Variants in WDR33 observed in about 807,000 individuals in gnomAD.
WDR33 encodes the protein pre-mRNA 3' end processing protein WDR33.
In WDR33, 47 loss-of-function variants were observed where a neutral mutation model predicts 164.9. The observed-to-expected ratio is 0.29, with a 90% CI of 0.23 to 0.36. WDR33 has a LOEUF of 0.36. Among genes scored for constraint, WDR33 ranks in the 10% least tolerant of loss-of-function variants. The pLI is 1.00. For missense variants in WDR33, 1,137 were observed against 1,754.1 expected (o/e 0.65, Z 6.28); for synonymous variants, 505 against 589.0 (o/e 0.86, Z 2.06).
intron 1 of WDR33, among the ~76,000 whole-genome samples, chr2:127,802,783 A>C (rs1279812706): frequency 6.6e-6 from 1 of 152,126 alleles, no homozygotes; most frequent in Admixed American, 6.6e-5. Context: ...GTTCGAGCCC[A>C]GACTGGGCAA....
At chr2:127,746,946 T>G (rs1179312672) in intron 7 of WDR33, among the ~76,000 whole-genome samples, 1 of 152,208 alleles carries the variant, frequency 6.6e-6, no homozygotes, top group African/African-American at 2.4e-5. Flanking sequence ...AAACTGGTAC[T>G]ATTCAGCATC....
At chr2:127,752,596 CAAAAAAAAAAAA>C (rs34369142) in intron 7 of WDR33, among the ~76,000 whole-genome samples, 4 of 76,582 alleles carry the variant, frequency 5.2e-5, no homozygotes, top group Middle Eastern at 6.8e-3. Context: ...GACTCCGTCT[CAAAAAAAAAAAA>C]AAAAAAAAAA....
chr2:127,712,155 G>T lies in WDR33; in HGVS notation c.3308+1428C>A, dbSNP rs186701684. The stretch of plus-strand genomic sequence containing the variant: ...TCACGCCTATAATCCCTGCACTCTG[G>T]GGGGGCTGAAGAACGTGGATCACTT... On this transcript the variant is annotated intron_variant, in intron 18 of 21. Transcript: ENST00000322313. This position sits in a 1 kb window ranked among gnomAD's most constrained non-coding sequence, Gnocchi z 4.0. 5.0e-4 allele frequency among the ~76,000 whole-genome samples: 76 copies of T among 152,190 alleles called. No individual in the cohort carries two copies. The East Asian group carries it at 0.01, about 21-fold the overall frequency.
intron 1 of WDR33, among the ~76,000 whole-genome samples, chr2:127,781,078 G>A (rs920801296): frequency 2.6e-5 from 4 of 152,030 alleles, no homozygotes; most frequent in Admixed American, 2.6e-4. Flanking sequence ...TGGCCAGGCT[G>A]GTCTCAAACT....
rs1159902360 is a variant in WDR33 at position 127,708,073 on chromosome 2, C to T, written c.3781+604G>A. Among the ~76,000 whole-genome samples, 2 of 152,210 alleles carry T rather than the reference C, an allele frequency of 1.3e-5. No individual in the cohort carries two copies. The highest frequency in any genetic ancestry group is 2.9e-5 in the Non-Finnish European group (2 of 68,034). The stretch of plus-strand genomic sequence containing the variant: ...AGCCTTCCCAGAAGCTTCCGAGCCA[C>T]ACCACCTATGCACCTCCCCCGCTGC... On this transcript the variant is annotated intron_variant, in intron 21 of 21. Coordinates refer to ENST00000322313, the MANE Select transcript of WDR33 (RefSeq NM_018383.5). The surrounding 1 kb of genome is among the most constrained non-coding windows in gnomAD (Gnocchi z 6.7).
chr2:127,788,093 G>C (rs1688665564), intron 1 of WDR33, among the ~76,000 whole-genome samples: 2 of 96,666 alleles, frequency 2.1e-5, no homozygotes, highest in Admixed American at 8.8e-5. Context: ...CTCCCTCCCG[G>C]ACGGGGCGGC....
Position 127,764,371 on chromosome 2 carries a change from T to C in WDR33, c.626+457A>G. 1 of 1,429,320 alleles carries C rather than the reference T, an allele frequency of 7.0e-7. No individual in the cohort carries two copies. The highest frequency in any genetic ancestry group is 9.1e-7 in the Non-Finnish European group (1 of 1,093,506). 88.5% of individuals were successfully genotyped at this position (1,429,320 alleles called of 1,614,324 possible). On this transcript the variant is annotated intron_variant, in intron 6 of 21. Transcript: ENST00000322313. This position sits in a 1 kb window ranked among gnomAD's most constrained non-coding sequence, Gnocchi z 6.2. ...GTCCTATACTTTCCTTTGGAAGTCG[T>C]GGCATAACCAAGCCAACCAGGTCTT...
chr2:127,746,679 TTC>T (rs1687176932), intron 7 of WDR33, among the ~76,000 whole-genome samples: 1 of 152,192 alleles, frequency 6.6e-6, no homozygotes, highest in Admixed American at 6.5e-5. Flanking sequence ...ATGTTTAAAG[TTC>T]CCCAGAGGAA....
rs1277057564 is a variant in WDR33 at position 127,703,038 on chromosome 2, T to G, written c.*3285A>C. ...AGGCTGATCTTAAGATTTTTTTATA[T>G]CTAATTGCTGCTGCCTTCATTTTAG... On this transcript the variant is annotated 3_prime_UTR_variant, in exon 22 of 22. Coordinates refer to ENST00000322313, the MANE Select transcript of WDR33 (RefSeq NM_018383.5). 6.0e-6 allele frequency: 1 copy of G among 167,088 alleles called. No individual in the cohort carries two copies. Among genetic ancestry groups the G allele is most frequent in the Non-Finnish European group, 1.5e-5 (1 of 68,126 alleles). 10.4% of individuals were successfully genotyped at this position (167,088 alleles called of 1,614,324 possible).
chr2:127,722,532 C>T lies in WDR33; in HGVS notation c.1518+59G>A. ...CAACAGTGAGATAATCCAAGAGAAA[C>T]CTCAAACTAACCAACCAAAACCTCT... On this transcript the variant is annotated intron_variant, in intron 14 of 21. Transcript: ENST00000322313. This position sits in a 1 kb window ranked among gnomAD's most constrained non-coding sequence, Gnocchi z 5.1. 1.9e-6 allele frequency: 3 copies of T among 1,579,550 alleles called. No homozygotes were observed. Among genetic ancestry groups the T allele is most frequent in the Non-Finnish European group, 2.6e-6 (3 of 1,166,018 alleles).
intron 7 of WDR33, among the ~76,000 whole-genome samples, chr2:127,760,638 A>T (rs900353969): frequency 6.6e-6 from 1 of 152,218 alleles, no homozygotes; most frequent in Non-Finnish European, 1.5e-5. Flanking sequence ...CTGGAATCTA[A>T]TAACTCTTCT....
chr2:127,768,781 A>C (rs1687901918), intron 3 of WDR33, 152 bp downstream of exon 3: 3 of 462,526 alleles, frequency 6.5e-6, no homozygotes, highest in Admixed American at 7.4e-5. Context: ...TCCATGGCTT[A>C]CACAGATGTG....
chr2:127,795,656 A>T (rs1261085590), intron 1 of WDR33, among the ~76,000 whole-genome samples: 10 of 135,938 alleles, frequency 7.4e-5, no homozygotes. Flanking sequence ...CCTCCTTTCT[A>T]TAAAAAAAAA....
chr2:127,752,783 A>C (rs1021993666), intron 7 of WDR33, among the ~76,000 whole-genome samples: 11 of 152,230 alleles, frequency 7.2e-5, no homozygotes, highest in African/African-American at 2.7e-4. Context: ...ATGGTGCTAA[A>C]GGGAAGAGGT....
chr2:127,750,705 T>TATGTATGCATAC lies in WDR33; in HGVS notation c.724+12356_724+12357insGTATGCATACAT, dbSNP rs1558936961. On this transcript the variant is annotated intron_variant, in intron 7 of 21. Coordinates refer to ENST00000322313, the MANE Select transcript of WDR33 (RefSeq NM_018383.5). ...ATATATATATATATATATATATATA[T>TATGTATGCATAC]ATATATATGTATGTATGCATACATA... Among the ~76,000 whole-genome samples the TATGTATGCATAC allele has an allele frequency of 7.1e-4, 41 of 58,040 alleles. 2 individuals carry two copies. The highest frequency in any genetic ancestry group is 3.9e-3 in the African/African-American group (38 of 9,634). 38.1% of individuals were successfully genotyped at this position (58,040 alleles called of 152,430 possible).
chr2:127,809,220 C>A (rs1341080814), intron 1 of WDR33, among the ~76,000 whole-genome samples: 1 of 151,910 alleles, frequency 6.6e-6, no homozygotes. Context: ...AGTATATGAA[C>A]TTATTACTTA....
chr2:127,785,389 C>T (rs561267098), intron 1 of WDR33, among the ~76,000 whole-genome samples: 28 of 152,336 alleles, frequency 1.8e-4, no homozygotes, highest in African/African-American at 6.5e-4. Flanking sequence ...GATGTGCTTT[C>T]TCTTGAGTTG....
chr2:127,802,861 G>A (rs143339986), intron 1 of WDR33, among the ~76,000 whole-genome samples: 2 of 151,958 alleles, frequency 1.3e-5, no homozygotes, highest in African/African-American at 4.8e-5. Flanking sequence ...CGCACTTGTC[G>A]TTCCAGCTAC....
At position 127,709,673 on chromosome 2, in the gene WDR33, G is replaced by A. The variant is rs368261830; in HGVS notation, c.3472+20C>T. The A allele has an allele frequency of 6.2e-7, 1 of 1,614,066 alleles. No homozygotes were observed. Among genetic ancestry groups the A allele is most frequent in the African/African-American group, 1.3e-5 (1 of 74,936 alleles). On this transcript the variant is annotated intron_variant, in intron 19 of 21. Coordinates refer to ENST00000322313, the MANE Select transcript of WDR33 (RefSeq NM_018383.5). The surrounding 1 kb of genome is among the most constrained non-coding windows in gnomAD (Gnocchi z 5.0). ...TGCACCCTATCCTTCCAGACCAGGTGTCTTTAGTAACTCGCTCACCTCGTG... is the reference window on the plus strand; with the variant it reads ...TGCACCCTATCCTTCCAGACCAGGTATCTTTAGTAACTCGCTCACCTCGTG...
Sources: gnomAD v4.1 joint callset for allele counts (sites outside exome capture counted in the v4.1 genomes callset) on GRCh38, gnomAD v4.1.1 for gene constraint, Gnocchi (gnomAD v3.1) non-coding constraint, MANE v1.5 for transcripts, NCBI Gene and HGNC (gene_info 2026-07-23, HGNC 2026-07-21) for gene names.